PPP1R13B: variants seen among roughly 807,000 people sequenced by gnomAD.
The protein encoded by PPP1R13B is protein phosphatase 1 regulatory subunit 13B.
PPP1R13B carries 44 observed loss-of-function variants against 119.8 expected under a neutral mutation model. The ratio of observed to expected loss-of-function variants is 0.37; its 90% confidence interval spans 0.29 to 0.47. The LOEUF is 0.47. Among genes scored for constraint, PPP1R13B ranks in the 20% least tolerant of loss-of-function variants. The pLI, the probability that PPP1R13B is intolerant of heterozygous loss-of-function variation, is 0.99. For synonymous variants in PPP1R13B, 542 were observed against 561.5 expected, an observed-to-expected ratio of 0.97 and a Z score of 0.49; for missense variants, 1,227 against 1,413.5, an observed-to-expected ratio of 0.87 and a Z score of 2.12.
rs1217599924 is a variant in PPP1R13B at position 103,761,287 on chromosome 14, A to T, written c.355-3536T>A. Among the ~76,000 whole-genome samples, 3 of 151,332 alleles carry T rather than the reference A, an allele frequency of 2.0e-5. No homozygotes were observed. In the East Asian group the frequency reaches 5.8e-4, roughly 29 times the overall value. ...AGACCCTATATTTAAAAAAAAAAAA[A>T]AAAAAAAAAAAAGAATTTTGCTATG... On this transcript the variant is annotated intron_variant, in intron 4 of 16. Transcript: ENST00000202556.
intron 1 of PPP1R13B, among the ~76,000 whole-genome samples, chr14:103,803,032 G>C (rs1289930210): frequency 6.6e-6 from 1 of 152,032 alleles, no homozygotes; most frequent in Non-Finnish European, 1.5e-5. Context: ...TGACCCTAAA[G>C]CATCACCGAA....
intron 1 of PPP1R13B, among the ~76,000 whole-genome samples, chr14:103,799,621 T>TG (rs1395749110): frequency 4.0e-5 from 6 of 151,506 alleles, no homozygotes; most frequent in Non-Finnish European, 5.9e-5. Flanking sequence ...TTTTTTGTTT[T>TG]TTTTTTTTTT....
intron 2 of PPP1R13B, among the ~76,000 whole-genome samples, chr14:103,787,858 G>C (rs2085509289): frequency 6.6e-6 from 1 of 151,968 alleles, no homozygotes; most frequent in South Asian, 2.1e-4. Context: ...CACTGTGTTA[G>C]CCAGGATGGT....
chr14:103,780,780 A>G (rs2085318831), intron 3 of PPP1R13B, among the ~76,000 whole-genome samples: 1 of 151,460 alleles, frequency 6.6e-6, no homozygotes, highest in South Asian at 2.1e-4. Flanking sequence ...ACTGCACTAC[A>G]GCCTGGCAAC....
chr14:103,790,305 C>T (rs2085585785), intron 2 of PPP1R13B, among the ~76,000 whole-genome samples: 1 of 151,138 alleles, frequency 6.6e-6, no homozygotes. Flanking sequence ...TGAATGTTCA[C>T]AGGAGATTTA....
intron 1 of PPP1R13B, among the ~76,000 whole-genome samples, chr14:103,827,665 T>C (rs1389306810): frequency 4.0e-5 from 6 of 149,130 alleles, no homozygotes; most frequent in Non-Finnish European, 8.9e-5. Context: ...ACTATAGATA[T>C]ATAAATATAG....
chr14:103,778,641 T>C, intron 4 of PPP1R13B, 104 bp downstream of exon 4: 2 of 861,592 alleles, frequency 2.3e-6, no homozygotes, highest in Admixed American at 2.0e-5. Flanking sequence ...CCTGCCCTCA[T>C]GTGATCCTCC....
At chr14:103,761,274 T>TAAA (rs59281762) in intron 4 of PPP1R13B, among the ~76,000 whole-genome samples, 4 of 104,692 alleles carry the variant, frequency 3.8e-5, no homozygotes, top group African/African-American at 7.8e-5. Context: ...ACCCTATATT[T>TAAA]AAAAAAAAAA....
chr14:103,776,869 C>T (rs528657204), intron 4 of PPP1R13B, among the ~76,000 whole-genome samples: 2 of 146,452 alleles, frequency 1.4e-5, no homozygotes, highest in Admixed American at 6.8e-5. Flanking sequence ...GAGACTCTGC[C>T]TCAAAAAAAA....
intron 4 of PPP1R13B, chr14:103,762,897 A>G (rs2084843663): frequency 2.1e-6 from 2 of 962,748 alleles, no homozygotes; most frequent in East Asian, 2.6e-5. Flanking sequence ...GAATCAGAGC[A>G]AATTTCCATC....
At chr14:103,791,093 T>C (rs1254549223) in intron 2 of PPP1R13B, among the ~76,000 whole-genome samples, 1 of 151,002 alleles carries the variant, frequency 6.6e-6, no homozygotes, top group East Asian at 1.9e-4. Flanking sequence ...CATAGAAATA[T>C]AATGCACATT....
chr14:103,846,924 C>T lies in PPP1R13B; in HGVS notation c.9+375G>A, dbSNP rs539748637. The T allele has an allele frequency of 3.5e-6, 4 of 1,150,914 alleles. No homozygotes were observed. The East Asian group carries it at 2.3e-4, about 66-fold the overall frequency. 71.3% of individuals were successfully genotyped at this position (1,150,914 alleles called of 1,614,324 possible). ...GCGCGGGTGCCCACCCCGCCGACTC[C>T]CAGGGCGACCCCAGAACGTTCGTTT... On this transcript the variant is annotated intron_variant, in intron 1 of 16. Transcript: ENST00000202556.
At chr14:103,745,687 GC>G (rs2084368812) in intron 9 of PPP1R13B, among the ~76,000 whole-genome samples, 2 of 152,228 alleles carry the variant, frequency 1.3e-5, no homozygotes, top group African/African-American at 4.8e-5. Flanking sequence ...TGTAGGGGCA[GC>G]CCCTCCACTT....
In PPP1R13B at chr14:103,736,082, C is replaced by A. The variant is rs141544257; in HGVS notation, c.3152G>T (p.Arg1051Leu). Reference sequence around the variant, plus strand: ...CCACTCAGTCTCGCTTTCGTCCTTGCGCCTCAGGATGGTGAGGGCGTCCCC... The same window carrying A: ...CCACTCAGTCTCGCTTTCGTCCTTGAGCCTCAGGATGGTGAGGGCGTCCCC... ...HEGDALTILR[R>L]KDESETEWWW... Residue 1051 changes from arginine to leucine, a missense_variant, in exon 16 of 17, where the codon CGC (arginine) becomes CTC (leucine). Coordinates refer to ENST00000202556, the MANE Select transcript of PPP1R13B (RefSeq NM_015316.3). 6.2e-7 allele frequency: 1 copy of A among 1,614,222 alleles called. No individual in the cohort carries two copies. The highest frequency in any genetic ancestry group is 1.1e-5 in the South Asian group (1 of 91,090).
At chr14:103,757,998 T>G (rs1595733016) in intron 4 of PPP1R13B, among the ~76,000 whole-genome samples, 1 of 152,232 alleles carries the variant, frequency 6.6e-6, no homozygotes, top group Non-Finnish European at 1.5e-5. Flanking sequence ...AAGCAAACAT[T>G]TGCAAATGTG....
At chr14:103,821,260 G>C (rs1395335275) in intron 1 of PPP1R13B, among the ~76,000 whole-genome samples, 1 of 152,152 alleles carries the variant, frequency 6.6e-6, no homozygotes, top group Non-Finnish European at 1.5e-5. Context: ...TCTGTAAAAT[G>C]TCTAGCAACA....
Position 103,738,835 on chromosome 14 carries a change from G to A in PPP1R13B, c.2731-23C>T, listed in dbSNP as rs114031483. 2.5e-3 allele frequency: 4,014 copies of A among 1,613,600 alleles called. 85 individuals are homozygous for A. The African/African-American group carries it at 0.045, about 18-fold the overall frequency. On this transcript the variant is annotated intron_variant, in intron 13 of 16. Coordinates refer to ENST00000202556, the MANE Select transcript of PPP1R13B (RefSeq NM_015316.3). This position sits in a 1 kb window ranked among gnomAD's most constrained non-coding sequence, Gnocchi z 5.6. ...CACCTAGGACACACGGCCTGTGAGC[G>A]CCCATCCCCTCGCCCCCAGCAGCGT...
intron 7 of PPP1R13B, among the ~76,000 whole-genome samples, 198 bp from the exon 8 acceptor site, chr14:103,750,132 CA>C (rs2084503002): frequency 6.6e-6 from 1 of 152,164 alleles, no homozygotes; most frequent in South Asian, 2.1e-4. Context: ...AAAGAAAGAG[CA>C]AACATCTGTA....
intron 1 of PPP1R13B, chr14:103,847,030 C>A (rs1446829133): frequency 9.8e-6 from 11 of 1,125,620 alleles, no homozygotes; most frequent in Admixed American, 9.3e-5. Context: ...AGGAGATGAC[C>A]GGCCCCAAAT....
Sources: allele counts gnomAD v4.1 joint callset (sites outside exome capture counted in the v4.1 genomes callset), GRCh38; gene constraint gnomAD v4.1.1; non-coding constraint Gnocchi (gnomAD v3.1); transcripts MANE v1.5; gene names NCBI Gene and HGNC (gene_info 2026-07-23, HGNC 2026-07-21).